Variants in AKT3 observed in about 807,000 individuals in gnomAD.
The protein encoded by AKT3 is AKT serine/threonine kinase 3.
In AKT3, 15 loss-of-function variants were observed where a neutral mutation model predicts 65.3. The ratio of observed to expected loss-of-function variants is 0.23; its 90% CI spans 0.15 to 0.35. The LOEUF is 0.35. AKT3 is among the 10% of genes least tolerant of loss of function. The pLI is 1.00. For missense variants in AKT3, 243 were observed against 576.5 expected (o/e 0.42, Z 5.92); for synonymous variants, 206 against 183.8 (o/e 1.12, Z -0.98).
intron 2 of AKT3, among the ~76,000 whole-genome samples, chr1:243,809,840 A>G (rs1371731922): frequency 6.6e-6 from 1 of 152,206 alleles, no homozygotes; most frequent in East Asian, 1.9e-4. Flanking sequence ...TGTTTCTCAG[A>G]CCACAGTGCA....
intron 10 of AKT3, among the ~76,000 whole-genome samples, chr1:243,553,661 A>T (rs1156480504): frequency 6.6e-6 from 1 of 152,188 alleles, no homozygotes; most frequent in Non-Finnish European, 1.5e-5. Flanking sequence ...ATATGTCCTT[A>T]AATTTTTCCC....
chr1:243,849,532 G>A (rs1357330396), intron 1 of AKT3, among the ~76,000 whole-genome samples: 3 of 151,698 alleles, frequency 2.0e-5, no homozygotes, highest in African/African-American at 7.3e-5. Context: ...CAGGGCGCGC[G>A]GCAGACGGCT....
At chr1:243,707,819 AC>A (rs1283665758) in intron 2 of AKT3, among the ~76,000 whole-genome samples, 1 of 152,100 alleles carries the variant, frequency 6.6e-6, no homozygotes, top group East Asian at 1.9e-4. Flanking sequence ...TACTTTAAAA[AC>A]GTATGCTTTT....
In AKT3 at chr1:243,503,334, G is replaced by A. The variant is rs1014440470; in HGVS notation, c.*1915C>T. On this transcript the variant is annotated 3_prime_UTR_variant, in exon 14 of 14. Transcript: ENST00000673466. ...ATAGCTATAAATCCACACTTCCAGC[G>A]TCAAGAGGCTAAGACATCTGCATAT... The A allele has an allele frequency of 4.3e-5, 10 of 233,672 alleles. No individual in the cohort carries two copies. Among genetic ancestry groups the A allele is most frequent in the East Asian group, 2.4e-4 (4 of 16,590 alleles). 14.5% of individuals were successfully genotyped at this position (233,672 alleles called of 1,614,324 possible). A position where few individuals can be genotyped will look rare whatever the true frequency, so the allele number is the denominator to read the frequency against.
intron 2 of AKT3, among the ~76,000 whole-genome samples, chr1:243,779,098 C>T (rs1231406775): frequency 6.6e-6 from 1 of 152,050 alleles, no homozygotes; most frequent in Non-Finnish European, 1.5e-5. Flanking sequence ...AATCCAGCCT[C>T]ATGCAGATAT....
chr1:243,531,965 G>A (rs1442830599), intron 12 of AKT3, among the ~76,000 whole-genome samples: 1 of 152,138 alleles, frequency 6.6e-6, no homozygotes, highest in Non-Finnish European at 1.5e-5. Flanking sequence ...TTTGCATCCT[G>A]CAACTTTACT....
intron 2 of AKT3, among the ~76,000 whole-genome samples, chr1:243,718,605 G>C (rs933785355): frequency 6.6e-6 from 1 of 151,558 alleles, no homozygotes; most frequent in African/African-American, 2.4e-5. Context: ...TGGGATTACA[G>C]GCCCTCACCA....
intron 13 of AKT3, among the ~76,000 whole-genome samples, chr1:243,511,505 C>CAT (rs946713917): frequency 7.2e-5 from 11 of 152,228 alleles, no homozygotes; most frequent in African/African-American, 2.4e-4. Flanking sequence ...GAGGAGAAGA[C>CAT]ATATAGGGAA....
At chr1:243,707,729 A>G (rs955436038) in intron 2 of AKT3, among the ~76,000 whole-genome samples, 5 of 152,076 alleles carry the variant, frequency 3.3e-5, no homozygotes, top group African/African-American at 1.2e-4. Context: ...TCTTATTACA[A>G]AAATTAATCA....
At chr1:243,828,048 T>C (rs564469275) in intron 2 of AKT3, among the ~76,000 whole-genome samples, 1 of 132,910 alleles carries the variant, frequency 7.5e-6, no homozygotes, top group Admixed American at 8.7e-5. Flanking sequence ...TGTAAAAGCA[T>C]CTGAAGAATG....
chr1:243,845,701 A>C (rs953857641), intron 1 of AKT3, among the ~76,000 whole-genome samples: 2 of 151,864 alleles, frequency 1.3e-5, no homozygotes, highest in Admixed American at 1.3e-4. Flanking sequence ...CCTCATCATA[A>C]ATTTTTAAAA....
chr1:243,750,408 TAC>T (rs56210876), intron 2 of AKT3, among the ~76,000 whole-genome samples: 32,942 of 149,164 alleles, frequency 0.22, 4,479 homozygotes, highest in African/African-American at 0.38. Context: ...CATGCACGTA[TAC>T]ACACACACAC....
In AKT3 at chr1:243,507,181, T is replaced by C. The variant is rs565227267; in HGVS notation, c.1355-1847A>G. 6.6e-5 allele frequency among the ~76,000 whole-genome samples: 10 copies of C among 152,322 alleles called. No homozygotes were observed. In the East Asian group the frequency reaches 1.7e-3, roughly 26 times the overall value. On this transcript the variant is annotated intron_variant, in intron 13 of 13. Transcript: ENST00000673466. ...GAAGGGCAGGAGCTGCCTGGACTCC[T>C]GGGGCCATGGCCAGGACTCATTCCA...
rs367578996 is a variant in AKT3, at chr1:243,665,885, T to G, written c.173-1002A>C. ...TTGGAAGAAACTAATTTATCTCCGT[T>G]GAAAACTTCAAGTCTTTTCTCAGTG... On this transcript the variant is annotated intron_variant, in intron 3 of 13. Coordinates refer to ENST00000673466, the MANE Select transcript of AKT3 (RefSeq NM_005465.7). Among the ~76,000 whole-genome samples, 9 of 152,208 alleles carry G rather than the reference T, an allele frequency of 5.9e-5. No homozygotes were observed. The East Asian group carries it at 1.3e-3, about 23-fold the overall frequency.
chr1:243,523,786 C>T (rs192545135), intron 12 of AKT3, among the ~76,000 whole-genome samples: 11 of 152,324 alleles, frequency 7.2e-5, no homozygotes, highest in Admixed American at 2.6e-4. Flanking sequence ...AAATGTAAAT[C>T]GCCTGCTTAT....
intron 2 of AKT3, among the ~76,000 whole-genome samples, chr1:243,817,549 T>G (rs1335014612): frequency 1.3e-5 from 2 of 152,210 alleles, no homozygotes; most frequent in Non-Finnish European, 2.9e-5. Context: ...GTGACCAGCC[T>G]GGCCAACATG....
chr1:243,521,612 T>C lies in AKT3; in HGVS notation c.1252-9186A>G, dbSNP rs538917905. 3.3e-5 allele frequency among the ~76,000 whole-genome samples: 5 copies of C among 152,318 alleles called. No homozygotes were observed. The South Asian group carries it at 1.0e-3, about 32-fold the overall frequency. On this transcript the variant is annotated intron_variant, in intron 12 of 13. Coordinates refer to ENST00000673466, the MANE Select transcript of AKT3 (RefSeq NM_005465.7). ...ATTTCATTTTTACAAAACTACACAG[T>C]AATAATTGAAGTTCATGCTGTTAAT...
chr1:243,545,797 AT>A (rs753576175), intron 11 of AKT3, among the ~76,000 whole-genome samples, 200 bp from the exon 12 acceptor site: 133 of 152,348 alleles, frequency 8.7e-4, no homozygotes, highest in Non-Finnish European at 1.4e-3. Context: ...ACAGTATGGT[AT>A]TTGGAAAAGA....
intron 2 of AKT3, among the ~76,000 whole-genome samples, chr1:243,830,761 C>T (rs990287915): frequency 2.6e-5 from 4 of 152,232 alleles, no homozygotes; most frequent in East Asian, 3.9e-4. Context: ...CCTTAAAATA[C>T]GCATTAATCT....
Sources: gnomAD v4.1 joint callset for allele counts (sites outside exome capture counted in the v4.1 genomes callset) on GRCh38, gnomAD v4.1.1 for gene constraint, MANE v1.5 for transcripts, NCBI Gene and HGNC (gene_info 2026-07-23, HGNC 2026-07-21) for gene names.